The following HERC1 variants were observed in gnomAD, a reference collection of about 807,000 sequenced individuals.
The protein encoded by HERC1 is HECT and RLD domain containing E3 ubiquitin protein ligase family member 1.
A neutral mutation model predicts 554.3 loss-of-function variants in HERC1; 160 were observed. The observed-to-expected ratio is 0.29, with a 90% confidence interval of 0.25 to 0.33. The LOEUF (loss-of-function observed/expected upper bound fraction) is 0.33. HERC1 is among the 10% of genes least tolerant of loss of function. HERC1 has a pLI of 1.00. For synonymous variants in HERC1, 2,175 were observed against 2,131.7 expected (o/e 1.02, Z -0.56); for missense variants, 4,919 against 5,918.5 (o/e 0.83, Z 5.54).
Position 63,648,206 on chromosome 15 carries a change from TG to T in HERC1, c.10748-8del, listed in dbSNP as rs1566970791. 1 of 1,599,722 alleles carries T rather than the reference TG, an allele frequency of 6.3e-7. No homozygotes were observed. Among genetic ancestry groups the T allele is most frequent in the East Asian group, 2.2e-5 (1 of 44,652 alleles). ...GCAATGCAAGTAACAGACACTAACATGATCAAAACAAAAGAGTAAGGAAAAG... is the reference window on the plus strand; with the variant it reads ...GCAATGCAAGTAACAGACACTAACATATCAAAACAAAAGAGTAAGGAAAAG... On this transcript the variant is annotated splice_region_variant and splice_polypyrimidine_tract_variant and intron_variant, in intron 54 of 77. Transcript: ENST00000443617.
intron 1 of HERC1, among the ~76,000 whole-genome samples, chr15:63,826,811 AAAAATATAT>A (rs1410095222): frequency 1.5e-5 from 1 of 66,974 alleles, no homozygotes; most frequent in Non-Finnish European, 3.0e-5. Context: ...AAAAAAAAAA[AAAAATATAT>A]ATATATATAT....
chr15:63,711,224 C>G (rs992303527), intron 24 of HERC1, among the ~76,000 whole-genome samples: 1 of 152,104 alleles, frequency 6.6e-6, no homozygotes, highest in Non-Finnish European at 1.5e-5. Flanking sequence ...ACTCGGGAGG[C>G]TGAGGCAGGA....
intron 57 of HERC1, 43 bp downstream of exon 57, chr15:63,644,949 T>G (rs747647452): frequency 7.0e-7 from 1 of 1,419,786 alleles, no homozygotes; most frequent in East Asian, 2.3e-5. Context: ...TGTCATATAC[T>G]TTCCATAGTT....
At chr15:63,754,744 T>C (rs534502420) in intron 6 of HERC1, 96 bp from the exon 7 acceptor site, 30 of 1,229,806 alleles carry the variant, frequency 2.4e-5, no homozygotes, top group African/African-American at 1.5e-4. Context: ...AACTTTAAAA[T>C]AGAATTGAGA....
Position 63,690,618 on chromosome 15 carries a change from T to C in HERC1, c.5860A>G (p.Arg1954Gly). ...GIPLVGNLRT[R>G]LLALHVLEAV... Reference sequence around the variant, plus strand: ...TCAAGGACATGAAGTGCAAGGAGCCTTGTTCTTAAGTTACCAACCAGAGGG... The same window carrying C: ...TCAAGGACATGAAGTGCAAGGAGCCCTGTTCTTAAGTTACCAACCAGAGGG... Residue 1954 changes from arginine (R) to glycine (G), a missense_variant, in exon 32 of 78, where the codon AGG becomes GGG. Arg to Gly is a moderately radical substitution (Grantham distance 125). Around this residue, in one of 11 missense-constraint regions of HERC1, gnomAD observed 1,121 missense variants for 1,244.0 expected, o/e 0.90. Transcript: ENST00000443617. 1.2e-6 allele frequency: 2 copies of C among 1,612,262 alleles called. No homozygotes were observed. The highest frequency in any genetic ancestry group is 1.7e-6 in the Non-Finnish European group (2 of 1,178,506).
At chr15:63,744,719 C>G (rs760310860) in intron 12 of HERC1, among the ~76,000 whole-genome samples, 1 of 152,158 alleles carries the variant, frequency 6.6e-6, no homozygotes, top group Admixed American at 6.5e-5. Flanking sequence ...ATGGTGAATA[C>G]TGCCTGGCCT....
At chr15:63,724,886 G>C (rs1010606934) in intron 18 of HERC1, among the ~76,000 whole-genome samples, 1 of 152,162 alleles carries the variant, frequency 6.6e-6, no homozygotes, top group Non-Finnish European at 1.5e-5. Flanking sequence ...AGACAGGCTG[G>C]GAGGAAAAGA....
chr15:63,706,790 G>C lies in HERC1; in HGVS notation c.4626C>G (p.His1542Gln), dbSNP rs1487478770. The C allele has an allele frequency of 2.0e-6, 3 of 1,536,466 alleles. No individual in the cohort carries two copies. In the East Asian group the frequency reaches 7.3e-5, roughly 37 times the overall value. Residue 1542 changes from histidine to glutamine, a missense_variant, in exon 25 of 78, where the codon CAC (histidine) becomes CAG (glutamine). Physicochemically the swap from His to Gln is conservative, Grantham distance 24 (BLOSUM62 0). Coordinates refer to ENST00000443617, the MANE Select transcript of HERC1 (RefSeq NM_003922.4). ...RNVDLDLAAS[H>Q]RKRGPMHSQL... is the part of the protein sequence containing the mutation. Reference sequence around the variant, plus strand: ...AATACTTACACTTACCTCTCTTTCTGTGAGATGCTGCCAAATCCAAATCAA... The same window carrying C: ...AATACTTACACTTACCTCTCTTTCTCTGAGATGCTGCCAAATCCAAATCAA...
At chr15:63,662,904 G>T in intron 44 of HERC1, 80 bp downstream of exon 44, 1 of 1,065,990 alleles carries the variant, frequency 9.4e-7, no homozygotes, top group Non-Finnish European at 1.4e-6. Flanking sequence ...TCAACTCTAG[G>T]CAAGGCTGCT....
chr15:63,807,394 T>A (rs1233075884), intron 1 of HERC1, among the ~76,000 whole-genome samples: 1 of 152,138 alleles, frequency 6.6e-6, no homozygotes, highest in Non-Finnish European at 1.5e-5. Flanking sequence ...ACAAAGCCAT[T>A]TCCTCTAGGG....
intron 24 of HERC1, 28 bp downstream of exon 24, chr15:63,712,747 T>G: frequency 1.2e-6 from 2 of 1,603,774 alleles, no homozygotes; most frequent in African/African-American, 2.7e-5. Context: ...AACAAAAATC[T>G]TTCTTTACTG....
chr15:63,664,387 G>C, intron 43 of HERC1, 83 bp downstream of exon 43: 1 of 1,306,820 alleles, frequency 7.7e-7, no homozygotes, highest in South Asian at 1.4e-5. Context: ...AGTATCATTA[G>C]TTTGAATCTT....
chr15:63,833,743 A>ACG lies in HERC1; in HGVS notation c.-27+82_-27+83dup, dbSNP rs145148725. On this transcript the variant is annotated intron_variant, in intron 1 of 77. Coordinates refer to ENST00000443617, the MANE Select transcript of HERC1 (RefSeq NM_003922.4). ...GCCCTGCGCGGCCGGCAAAGCACAC[A>ACG]CGCGCGCGCGCACACACACACACAC... 173 of 66,330 alleles carry ACG rather than the reference A, an allele frequency of 2.6e-3. 4 individuals carry two copies. The highest frequency in any genetic ancestry group is 5.1e-3 in the Admixed American group (35 of 6,832). The allele number at this position is 66,330 out of a possible 1,614,324, so 4.1% of individuals were successfully genotyped here.
chr15:63,650,276 C>T (rs938129168), intron 53 of HERC1, among the ~76,000 whole-genome samples: 8 of 151,936 alleles, frequency 5.3e-5, no homozygotes, highest in African/African-American at 1.9e-4. Flanking sequence ...CATGGTGGCA[C>T]GCGCCTGTAG....
intron 12 of HERC1, 87 bp downstream of exon 12, chr15:63,746,831 C>A: frequency 8.9e-7 from 1 of 1,124,604 alleles, no homozygotes. Context: ...TTGAAATTGT[C>A]CAATGTACAG....
chr15:63,633,156 G>A (rs962371663), intron 67 of HERC1, among the ~76,000 whole-genome samples: 2 of 152,164 alleles, frequency 1.3e-5, no homozygotes, highest in African/African-American at 2.4e-5. Context: ...TTTTATGGGC[G>A]ACAATAACTG....
rs1159692539 is a variant in HERC1 at position 63,833,871 on chromosome 15, AG to A, written c.-72del. The stretch of plus-strand genomic sequence containing the variant: ...GGTGGGGCGCGGCTCCGGCGACCCG[AG>A]CCCGGCTCCGCAGAGGCTGCGGCGG... On this transcript the variant is annotated 5_prime_UTR_variant, in exon 1 of 78. Transcript: ENST00000443617. 1.3e-5 allele frequency: 2 copies of A among 152,484 alleles called. No homozygotes were observed. Among genetic ancestry groups the A allele is most frequent in the African/African-American group, 4.8e-5 (2 of 41,264 alleles). The allele number at this position is 152,484 out of a possible 1,614,324, so 9.4% of individuals were successfully genotyped here.
chr15:63,720,103 C>CTTTTTTTTTTTTTTTTT (rs573648232), intron 19 of HERC1, among the ~76,000 whole-genome samples: 2,070 of 71,398 alleles, frequency 0.029, 560 homozygotes, highest in Non-Finnish European at 0.035. Context: ...TTTTTCTTCC[C>CTTTTTTTTTTTTTTTTT]TTTTTTTTTT....
At chr15:63,660,048 A>T in intron 46 of HERC1, 112 bp from the exon 47 acceptor site, 1 of 860,712 alleles carries the variant, frequency 1.2e-6, no homozygotes, top group East Asian at 2.6e-5. Flanking sequence ...GCCAGATGCG[A>T]TGGCTCACGC....
Sources: gnomAD v4.1 joint callset for allele counts (sites outside exome capture counted in the v4.1 genomes callset) on GRCh38, gnomAD v4.1.1 for gene constraint, gnomAD v4.1.1 regional missense constraint, MANE v1.5 for transcripts, NCBI Gene and HGNC (gene_info 2026-07-23, HGNC 2026-07-21) for gene names.